The following NREP variants were observed in gnomAD, a reference collection of about 807,000 sequenced individuals.
The protein encoded by NREP is neuronal regeneration-related protein.
A neutral mutation model predicts 8.6 loss-of-function variants in NREP; 5 were observed. That is an observed-to-expected ratio of 0.58 (90% CI 0.30 to 1.22). NREP has a LOEUF of 1.22. NREP is among the 50% of genes most tolerant of loss of function. The pLI is 0.07. For synonymous variants in NREP, 27 were observed against 28.0 expected (o/e 0.96, Z 0.11); for missense variants, 86 against 82.5 (o/e 1.04, Z -0.17).
chr5:111,856,210 G>A (rs999066248), intron 2 of NREP, among the ~76,000 whole-genome samples: 4 of 152,104 alleles, frequency 2.6e-5, no homozygotes, highest in African/African-American at 7.2e-5. Flanking sequence ...CAAAGGGATC[G>A]TAAACATATG....
chr5:111,733,084 T>C (rs1748749395), intron 3 of NREP: 1 of 152,236 alleles, frequency 6.6e-6, no homozygotes, highest in South Asian at 2.1e-4. Context: ...GTGACGATTA[T>C]TTCAGATTTG....
Position 111,971,413 on chromosome 5 carries a change from A to C in NREP, c.135+3861T>G, listed in dbSNP as rs553739010. ...GTCAATCTGTAGCAAAAAACAAAAA[A>C]CTAAACAAATAAAAAAAACACCATG... On this transcript the variant is annotated intron_variant, in intron 2 of 3. Transcript: ENST00000395634. 1.2e-3 allele frequency among the ~76,000 whole-genome samples: 185 copies of C among 152,230 alleles called. 1 individual carries two copies. Among genetic ancestry groups the C allele is most frequent in the African/African-American group, 3.1e-3 (127 of 41,530 alleles).
At chr5:111,896,766 A>G (rs1754520633) in intron 2 of NREP, among the ~76,000 whole-genome samples, 1 of 152,192 alleles carries the variant, frequency 6.6e-6, no homozygotes, top group South Asian at 2.1e-4. Flanking sequence ...AATCTTGAGC[A>G]AACACCCCTG....
chr5:111,864,524 A>C (rs1021360661), intron 2 of NREP, among the ~76,000 whole-genome samples: 2 of 152,282 alleles, frequency 1.3e-5, no homozygotes, highest in Admixed American at 6.5e-5. Flanking sequence ...CATATAATGA[A>C]AAAGCAGATA....
chr5:111,834,081 G>T (rs1053921126), intron 2 of NREP, among the ~76,000 whole-genome samples: 4 of 152,104 alleles, frequency 2.6e-5, no homozygotes, highest in Non-Finnish European at 5.9e-5. Context: ...GACTTTTTTT[G>T]TGTTGCCCTG....
At chr5:111,825,263 A>G (rs769833221) in intron 2 of NREP, among the ~76,000 whole-genome samples, 1 of 152,192 alleles carries the variant, frequency 6.6e-6, no homozygotes, top group Non-Finnish European at 1.5e-5. Context: ...GAAAAGGCCT[A>G]GGCAGCAATG....
intron 2 of NREP, among the ~76,000 whole-genome samples, chr5:111,838,408 A>G (rs1376157850): frequency 6.6e-6 from 1 of 152,166 alleles, no homozygotes; most frequent in African/African-American, 2.4e-5. Flanking sequence ...GCTATAGTAC[A>G]TCCTTATTCA....
At chr5:111,829,883 C>T (rs1322023617) in intron 2 of NREP, among the ~76,000 whole-genome samples, 1 of 152,172 alleles carries the variant, frequency 6.6e-6, no homozygotes, top group East Asian at 1.9e-4. Flanking sequence ...ATGGGAAACA[C>T]AGATGAGGTA....
chr5:111,780,282 C>A (rs1436629395), intron 2 of NREP, among the ~76,000 whole-genome samples: 1 of 152,122 alleles, frequency 6.6e-6, no homozygotes, highest in East Asian at 1.9e-4. Flanking sequence ...AGAGTCTATG[C>A]ACTGAGTATG....
In NREP at chr5:111,913,198, G is replaced by T. The variant is rs149830239; in HGVS notation, c.135+62076C>A. Among the ~76,000 whole-genome samples, 107 of 152,152 alleles carry T rather than the reference G, an allele frequency of 7.0e-4. 2 individuals are homozygous for T. The East Asian group carries it at 0.015, about 21-fold the overall frequency. Reference sequence around the variant, plus strand: ...AAGTAATTTGTAGAAGATTTCTTAGGAAATGAATAGGAGTCATGGATCCCA... The same window carrying T: ...AAGTAATTTGTAGAAGATTTCTTAGTAAATGAATAGGAGTCATGGATCCCA... On this transcript the variant is annotated intron_variant, in intron 2 of 3. Transcript: ENST00000395634.
chr5:111,925,619 A>C (rs2112588316), intron 2 of NREP, among the ~76,000 whole-genome samples: 1 of 152,260 alleles, frequency 6.6e-6, no homozygotes, highest in Middle Eastern at 3.4e-3. Flanking sequence ...GTACTTTAGG[A>C]CTAGCTGTCC....
intron 2 of NREP, among the ~76,000 whole-genome samples, chr5:111,947,611 C>T (rs649429): frequency 0.98 from 148,706 of 152,044 alleles, 72,981 homozygotes; most frequent in Middle Eastern, 1. Flanking sequence ...TCTTTACAGA[C>T]ACAAAAACTA....
At chr5:111,853,600 A>C (rs539876053) in intron 2 of NREP, among the ~76,000 whole-genome samples, 8 of 152,296 alleles carry the variant, frequency 5.3e-5, no homozygotes, top group Admixed American at 5.2e-4. Context: ...AAAAGTTTTA[A>C]ATAGAAGCAC....
intron 2 of NREP, among the ~76,000 whole-genome samples, chr5:111,810,391 G>A (rs1752243816): frequency 6.6e-6 from 1 of 152,186 alleles, no homozygotes; most frequent in African/African-American, 2.4e-5. Flanking sequence ...TGGGCCATGA[G>A]CCAGTCTCCA....
intron 2 of NREP, among the ~76,000 whole-genome samples, chr5:111,815,798 A>T (rs1752372472): frequency 6.6e-6 from 1 of 152,130 alleles, no homozygotes; most frequent in Non-Finnish European, 1.5e-5. Flanking sequence ...GAAAATACAA[A>T]TCAAGCCACA....
chr5:111,894,842 G>A (rs1328054342), intron 2 of NREP, among the ~76,000 whole-genome samples: 2 of 152,308 alleles, frequency 1.3e-5, no homozygotes, highest in South Asian at 2.1e-4. Flanking sequence ...GAGGTGAAGA[G>A]TCGTTACAAT....
chr5:111,851,678 TC>T (rs1301596452), intron 2 of NREP, among the ~76,000 whole-genome samples: 1 of 152,008 alleles, frequency 6.6e-6, no homozygotes, highest in African/African-American at 2.4e-5. Flanking sequence ...ATACAAAATT[TC>T]CCTTAGAAAG....
At chr5:111,814,208 A>G (rs1219734219) in intron 2 of NREP, among the ~76,000 whole-genome samples, 1 of 152,086 alleles carries the variant, frequency 6.6e-6, no homozygotes, top group African/African-American at 2.4e-5. Flanking sequence ...TATTTGATAT[A>G]TTTACTTAGG....
At chr5:111,914,441 G>GCAT (rs1554107037) in intron 2 of NREP, among the ~76,000 whole-genome samples, 1 of 152,056 alleles carries the variant, frequency 6.6e-6, no homozygotes, top group Non-Finnish European at 1.5e-5. Context: ...ACCTTTCTCA[G>GCAT]CATTCCACAA....
Sources: gnomAD v4.1 joint callset for allele counts (sites outside exome capture counted in the v4.1 genomes callset) on GRCh38, gnomAD v4.1.1 for gene constraint, MANE v1.5 for transcripts, NCBI Gene and HGNC (gene_info 2026-07-23, HGNC 2026-07-21) for gene names.